The following TEX9 variants were observed in gnomAD, a reference collection of about 807,000 sequenced individuals.
TEX9 encodes testis-expressed protein 9.
Under a neutral mutation model 59.6 loss-of-function variants are expected in TEX9, and 74 were observed. The observed-to-expected ratio is 1.24, with a 90% confidence interval of 1.03 to 1.51. The LOEUF (loss-of-function observed/expected upper bound fraction) is 1.51, where lower values mean the gene tolerates loss of function less well. Among genes scored for constraint, TEX9 ranks in the 40% most tolerant of loss-of-function variants. The pLI, the probability that TEX9 is intolerant of heterozygous loss-of-function variation, is 0.00. For missense variants in TEX9, 522 were observed against 447.8 expected (o/e 1.17, Z -1.49); for synonymous variants, 186 against 152.2 (o/e 1.22, Z -1.64).
intron 12 of TEX9, chr15:56,431,563 A>C (rs981236116): frequency 1.3e-6 from 2 of 1,538,150 alleles, no homozygotes; most frequent in Non-Finnish European, 1.8e-6. Flanking sequence ...TTTTCAAATA[A>C]AACTACTCAT....
chr15:56,277,043 A>C (rs536808042), intron 1 of TEX9, among the ~76,000 whole-genome samples: 1 of 152,098 alleles, frequency 6.6e-6, no homozygotes, highest in East Asian at 1.9e-4. Context: ...AATTTGTTTA[A>C]GATCGTTGTA....
chr15:56,262,229 C>G (rs910884623), intron 1 of TEX9, among the ~76,000 whole-genome samples: 1 of 152,186 alleles, frequency 6.6e-6, no homozygotes, highest in Non-Finnish European at 1.5e-5. Context: ...AGGGCCAAAA[C>G]GCATTTTCAC....
intron 9 of TEX9, among the ~76,000 whole-genome samples, chr15:56,403,079 G>A (rs1333838339): frequency 6.6e-6 from 1 of 152,170 alleles, no homozygotes; most frequent in Admixed American, 6.5e-5. Context: ...TGGCACAAGA[G>A]AAGGATGCCC....
chr15:56,458,673 TC>T, the TEX9 span, among the ~76,000 whole-genome samples: 5 of 152,200 alleles, frequency 3.3e-5, no homozygotes, highest in Non-Finnish European at 7.4e-5. Context: ...GTTTTGCCTT[TC>T]CCAGAATGTC....
chr15:56,445,141 C>T (rs879023464), intron 12 of TEX9, among the ~76,000 whole-genome samples: 1 of 151,964 alleles, frequency 6.6e-6, no homozygotes, highest in African/African-American at 2.4e-5. Context: ...TAAGTTTCTC[C>T]TAGCCTAAAC....
At chr15:56,421,477 T>A (rs557446348) in intron 10 of TEX9, 2 of 152,052 alleles carry the variant, frequency 1.3e-5, no homozygotes, top group African/African-American at 2.4e-5. Flanking sequence ...GGATTAGGGA[T>A]ACTCAACCTG....
chr15:56,244,135 TTAA>T (rs1422915942), exon 1 of TEX9: 1 of 152,000 alleles, frequency 6.6e-6, no homozygotes, highest in East Asian at 1.9e-4. Context: ...GAAACCAAAT[TTAA>T]TAATATTTGG....
intron 1 of TEX9, among the ~76,000 whole-genome samples, chr15:56,333,307 ATCAT>A (rs1268543557): frequency 2.0e-5 from 3 of 152,108 alleles, no homozygotes; most frequent in Admixed American, 1.3e-4. Context: ...CATCAAAAAG[ATCAT>A]TCATCATGAC....
At chr15:56,435,935 T>G (rs553670933) in intron 12 of TEX9, among the ~76,000 whole-genome samples, 22 of 152,170 alleles carry the variant, frequency 1.4e-4, no homozygotes, top group African/African-American at 4.8e-4. Context: ...ATTAAAAGAA[T>G]TATTCACCAT....
At chr15:56,276,226 T>C (rs1376726062) in intron 1 of TEX9, among the ~76,000 whole-genome samples, 3 of 152,134 alleles carry the variant, frequency 2.0e-5, no homozygotes, top group African/African-American at 4.8e-5. Flanking sequence ...GTTTGTTACA[T>C]AGGTATACAT....
At chr15:56,370,405 C>T (rs1412834527) in intron 2 of TEX9, among the ~76,000 whole-genome samples, 1 of 152,084 alleles carries the variant, frequency 6.6e-6, no homozygotes, top group South Asian at 2.1e-4. Context: ...CAATTTCCTC[C>T]TTCCTGAAGT....
intron 1 of TEX9, among the ~76,000 whole-genome samples, chr15:56,354,132 T>C (rs2046638469): frequency 6.6e-6 from 1 of 152,214 alleles, no homozygotes; most frequent in African/African-American, 2.4e-5. Context: ...TACATTTTTA[T>C]ATGTTGTATA....
At chr15:56,256,468 A>G (rs1429120968) in intron 1 of TEX9, among the ~76,000 whole-genome samples, 1 of 152,156 alleles carries the variant, frequency 6.6e-6, no homozygotes, top group Non-Finnish European at 1.5e-5. Flanking sequence ...GCTAGAAATA[A>G]ATCATGTATA....
chr15:56,309,699 T>TTTG (rs2141613744), intron 1 of TEX9, among the ~76,000 whole-genome samples: 1 of 124,042 alleles, frequency 8.1e-6, no homozygotes, highest in South Asian at 2.5e-4. Flanking sequence ...GGAAGTTTTT[T>TTTG]TTTTTTTTTT....
intron 1 of TEX9, among the ~76,000 whole-genome samples, chr15:56,268,816 G>T (rs1220483027): frequency 6.6e-6 from 1 of 152,054 alleles, no homozygotes; most frequent in East Asian, 1.9e-4. Flanking sequence ...CCAGGCTTTG[G>T]TATCAGGATG....
At chr15:56,327,943 T>G (rs922740858) in intron 1 of TEX9, among the ~76,000 whole-genome samples, 1 of 152,142 alleles carries the variant, frequency 6.6e-6, no homozygotes, top group African/African-American at 2.4e-5. Flanking sequence ...CAAGTCGTAG[T>G]GCTGAACTGG....
At chr15:56,423,758 T>A (rs540909567) in intron 10 of TEX9, among the ~76,000 whole-genome samples, 2 of 152,146 alleles carry the variant, frequency 1.3e-5, no homozygotes, top group East Asian at 3.8e-4. Flanking sequence ...TCTGTTCTGG[T>A]ATATGATTAT....
At chr15:56,333,230 C>T (rs1427878319) in intron 1 of TEX9, among the ~76,000 whole-genome samples, 3 of 152,104 alleles carry the variant, frequency 2.0e-5, no homozygotes, top group South Asian at 2.1e-4. Context: ...ACCTACAGGC[C>T]GTTATCTCTG....
At chr15:56,400,501 A>C (rs1390361257) in intron 9 of TEX9, among the ~76,000 whole-genome samples, 1 of 152,320 alleles carries the variant, frequency 6.6e-6, no homozygotes, top group Non-Finnish European at 1.5e-5. Flanking sequence ...GACCAAATCT[A>C]CATTTGATTG....
Sources: gnomAD v4.1 joint callset for allele counts (sites outside exome capture counted in the v4.1 genomes callset) on GRCh38, gnomAD v4.1.1 for gene constraint, MANE v1.5 for transcripts, NCBI Gene and HGNC (gene_info 2026-07-23, HGNC 2026-07-21) for gene names.